Variants in RBFOX1 observed in about 807,000 individuals in gnomAD.
The protein encoded by RBFOX1 is RNA binding fox-1 homolog 1, also known as RNA binding protein fox-1 homolog 1.
In RBFOX1, 8 loss-of-function variants were observed where a neutral mutation model predicts 57.7. The ratio of observed to expected loss-of-function variants is 0.14; its 90% CI spans 0.08 to 0.25. RBFOX1 has a LOEUF of 0.25. RBFOX1 is among the 10% of genes least tolerant of loss of function. RBFOX1 has a pLI of 1.00. For missense variants in RBFOX1, 611 were observed against 548.5 expected (o/e 1.11, Z -1.14); for synonymous variants, 326 against 222.4 (o/e 1.47, Z -4.15).
At chr16:5,788,275 T>A (rs780632680) in intron 3 of RBFOX1, among the ~76,000 whole-genome samples, 4 of 152,220 alleles carry the variant, frequency 2.6e-5, no homozygotes, top group Non-Finnish European at 4.4e-5. Context: ...ACCTCATTTT[T>A]AAATTGTATT....
chr16:5,912,063 G>A (rs190772764), intron 4 of RBFOX1, among the ~76,000 whole-genome samples: 12 of 152,228 alleles, frequency 7.9e-5, no homozygotes, highest in East Asian at 1.9e-4. Context: ...CCACCCAAGC[G>A]CCATCTAAAG....
At chr16:7,192,590 A>C (rs1301921192) in intron 4 of RBFOX1, among the ~76,000 whole-genome samples, 1 of 152,218 alleles carries the variant, frequency 6.6e-6, no homozygotes, top group Admixed American at 6.5e-5. Context: ...GAGGAGATCC[A>C]GACACACGAA....
chr16:5,999,613 G>T (rs994631372), intron 4 of RBFOX1, among the ~76,000 whole-genome samples: 1 of 152,194 alleles, frequency 6.6e-6, no homozygotes, highest in African/African-American at 2.4e-5. Context: ...TGTAATCCCG[G>T]CACTTTGGGA....
intron 4 of RBFOX1, among the ~76,000 whole-genome samples, chr16:5,896,995 C>T (rs11859411): frequency 0.053 from 7,757 of 146,828 alleles, 717 homozygotes; most frequent in African/African-American, 0.19. Context: ...CTCCACCCCC[C>T]ACTAAAAATG....
chr16:7,447,430 C>CAAAAAAAAAAAAAAAAAAAAAAAAAAA (rs202234230), intron 4 of RBFOX1, among the ~76,000 whole-genome samples: 1 of 98,536 alleles, frequency 1.0e-5, no homozygotes, highest in African/African-American at 3.8e-5. Context: ...GAGTCTATCT[C>CAAAAAAAAAAAAAAAAAAAAAAAAAAA]AAAAAAAAAA....
intron 4 of RBFOX1, among the ~76,000 whole-genome samples, chr16:7,164,991 G>A (rs890913418): frequency 2.5e-4 from 38 of 152,170 alleles, no homozygotes; most frequent in African/African-American, 8.0e-4. Context: ...TGAATTTGGA[G>A]CCCTATAAAA....
intron 3 of RBFOX1, among the ~76,000 whole-genome samples, chr16:6,697,327 G>C (rs926249255): frequency 6.6e-6 from 1 of 152,138 alleles, no homozygotes; most frequent in African/African-American, 2.4e-5. Flanking sequence ...AAGCTTGCCA[G>C]AGGAAGTCAT....
chr16:6,443,524 G>A (rs1010118848), intron 2 of RBFOX1, among the ~76,000 whole-genome samples: 2 of 152,166 alleles, frequency 1.3e-5, no homozygotes, highest in Non-Finnish European at 1.5e-5. Flanking sequence ...TCAAGGATGT[G>A]AGCAGGAGCC....
chr16:5,710,925 G>T (rs1357243012), intron 3 of RBFOX1, among the ~76,000 whole-genome samples: 1 of 152,216 alleles, frequency 6.6e-6, no homozygotes. Context: ...AGCTTATGCT[G>T]TGTGTTAAGT....
intron 3 of RBFOX1, among the ~76,000 whole-genome samples, chr16:5,716,644 G>A (rs1403541894): frequency 1.3e-5 from 2 of 152,244 alleles, no homozygotes; most frequent in Middle Eastern, 3.2e-3. Flanking sequence ...GTGCAAGACA[G>A]TGTGGCAATT....
intron 4 of RBFOX1, among the ~76,000 whole-genome samples, chr16:7,352,465 A>G (rs2097145530): frequency 6.6e-6 from 1 of 152,164 alleles, no homozygotes; most frequent in Non-Finnish European, 1.5e-5. Flanking sequence ...TCATCTGAAG[A>G]CGTGGGGTGG....
At chr16:6,509,147 A>C (rs1056706052) in intron 2 of RBFOX1, among the ~76,000 whole-genome samples, 5 of 152,152 alleles carry the variant, frequency 3.3e-5, no homozygotes, top group African/African-American at 1.2e-4. Flanking sequence ...GTAACCCTTA[A>C]CCTTTAATGC....
In RBFOX1 at chr16:6,498,251, C is replaced by CAA. The variant is rs33939872; in HGVS notation, c.-63-156349_-63-156348dup. 5.9e-3 allele frequency among the ~76,000 whole-genome samples: 498 copies of CAA among 84,332 alleles called. 19 individuals are homozygous for CAA. The highest frequency in any genetic ancestry group is 0.028 in the Admixed American group (246 of 8,734). The allele number at this position is 84,332 out of a possible 152,430, so 55.3% of individuals were successfully genotyped here. ...TGGGTGACAGAGAGGAACTCCGTCT[C>CAA]AAAACAAAAAAAAAAAAAAGGATGA... On this transcript the variant is annotated intron_variant, in intron 2 of 15. Transcript: ENST00000550418.
intron 13 of RBFOX1, among the ~76,000 whole-genome samples, chr16:7,667,396 T>C (rs1334036450): frequency 1.3e-5 from 2 of 152,172 alleles, no homozygotes; most frequent in East Asian, 3.9e-4. Context: ...TAGCTAGAAA[T>C]ATATCATAAT....
chr16:6,919,461 T>A (rs2073979164), intron 3 of RBFOX1, among the ~76,000 whole-genome samples: 1 of 148,686 alleles, frequency 6.7e-6, no homozygotes, highest in South Asian at 2.2e-4. Flanking sequence ...TTTTTTTTTT[T>A]AAGTAAACTT....
intron 3 of RBFOX1, among the ~76,000 whole-genome samples, chr16:5,686,639 T>G (rs1353625820): frequency 6.6e-6 from 1 of 152,140 alleles, no homozygotes; most frequent in Non-Finnish European, 1.5e-5. Context: ...TGAATTGATT[T>G]CTCTCTATAT....
At chr16:7,125,089 T>C (rs2068156914) in intron 4 of RBFOX1, among the ~76,000 whole-genome samples, 1 of 152,138 alleles carries the variant, frequency 6.6e-6, no homozygotes, top group South Asian at 2.1e-4. Flanking sequence ...AGCTGAGATA[T>C]TTAAAGAAAA....
At chr16:5,309,785 C>A (rs984380770) in intron 1 of RBFOX1, among the ~76,000 whole-genome samples, 4 of 152,174 alleles carry the variant, frequency 2.6e-5, no homozygotes, top group Non-Finnish European at 5.9e-5. Flanking sequence ...TTAAACTATA[C>A]CGTAAGTGTA....
At chr16:7,128,695 A>G (rs957803849) in intron 4 of RBFOX1, among the ~76,000 whole-genome samples, 13 of 152,164 alleles carry the variant, frequency 8.5e-5, no homozygotes, top group Non-Finnish European at 1.5e-4. Flanking sequence ...AGGGTGGGGA[A>G]CTAAACTCTA....
Sources: allele counts gnomAD v4.1 joint callset (sites outside exome capture counted in the v4.1 genomes callset), GRCh38; gene constraint gnomAD v4.1.1; transcripts MANE v1.5; gene names NCBI Gene and HGNC (gene_info 2026-07-23, HGNC 2026-07-21).